The following ADAM32 variants were observed in gnomAD, a reference collection of about 807,000 sequenced individuals.
ADAM32 encodes the protein ADAM metallopeptidase domain 32.
ADAM32 carries 89 observed loss-of-function variants against 114.9 expected under a neutral mutation model. That is an observed-to-expected ratio of 0.77 (90% CI 0.65 to 0.92). The LOEUF is 0.92. ADAM32 is among the 40% of genes least tolerant of loss of function. The pLI is 0.00. For synonymous variants in ADAM32, 285 were observed against 307.5 expected (o/e 0.93, Z 0.77); for missense variants, 870 against 932.8 (o/e 0.93, Z 0.88).
chr8:39,246,682 T>A (rs879659809), intron 17 of ADAM32, among the ~76,000 whole-genome samples: 1 of 152,226 alleles, frequency 6.6e-6, no homozygotes, highest in East Asian at 1.9e-4. Context: ...TTTGTTATAA[T>A]TGATGACCTA....
rs746212636 is a variant in ADAM32 at position 39,223,176 on chromosome 8, T to G, written c.1463T>G (p.Phe488Cys). ...GGACTTTCATGCAAAAATAATAAGT[T>G]TATTTGTTATGACGGAGACTGCCAT... ...INGLSCKNNK[F>C]ICYDGDCHDL... Residue 488 changes from phenylalanine (F) to cysteine (C), a missense_variant, in exon 14 of 25, where the codon TTT becomes TGT. Phe to Cys is a radical substitution (Grantham distance 205). Coordinates refer to ENST00000379907, the MANE Select transcript of ADAM32 (RefSeq NM_145004.7). 3 of 1,600,396 alleles carry G rather than the reference T, an allele frequency of 1.9e-6. No homozygotes were observed. The Admixed American group carries it at 5.2e-5, about 28-fold the overall frequency.
At chr8:39,163,827 A>G (rs1009735710) in intron 7 of ADAM32, among the ~76,000 whole-genome samples, 1 of 152,168 alleles carries the variant, frequency 6.6e-6, no homozygotes, top group Non-Finnish European at 1.5e-5. Context: ...TTTTGAATAT[A>G]TTTATTTTAG....
chr8:39,135,048 G>A (rs1802706780), intron 2 of ADAM32, among the ~76,000 whole-genome samples: 1 of 152,112 alleles, frequency 6.6e-6, no homozygotes, highest in South Asian at 2.1e-4. Context: ...CCAGCTCCTC[G>A]GGAGGCTGAG....
intron 10 of ADAM32, among the ~76,000 whole-genome samples, chr8:39,182,337 T>A (rs1805955152): frequency 6.6e-6 from 1 of 152,200 alleles, no homozygotes; most frequent in Non-Finnish European, 1.5e-5. Flanking sequence ...GGAACAAAGA[T>A]TCATGACTAT....
intron 10 of ADAM32, among the ~76,000 whole-genome samples, chr8:39,185,305 A>T (rs1365130781): frequency 6.6e-6 from 1 of 150,756 alleles, no homozygotes; most frequent in East Asian, 2.0e-4. Context: ...CAGAGAACCA[A>T]GATCCATTGC....
chr8:39,233,596 AGAATGCCGTAACCTCCTGG>A (rs1809893135), intron 15 of ADAM32, among the ~76,000 whole-genome samples: 1 of 152,136 alleles, frequency 6.6e-6, no homozygotes, highest in African/African-American at 2.4e-5. Flanking sequence ...CCTGTGACTA[AGAATGCCGTAACCTCCTGG>A]GAATGCAGCC....
chr8:39,152,736 A>G (rs144725115), intron 6 of ADAM32, among the ~76,000 whole-genome samples: 3 of 7,374 alleles, frequency 4.1e-4, no homozygotes, highest in African/African-American at 5.2e-4. Flanking sequence ...AAAAAAAAAA[A>G]AAAAAAAAAA....
intron 19 of ADAM32, among the ~76,000 whole-genome samples, chr8:39,261,902 GC>G (rs1812054409): frequency 6.6e-6 from 1 of 151,928 alleles, no homozygotes; most frequent in Non-Finnish European, 1.5e-5. Flanking sequence ...CTAATTGTTT[GC>G]TTTTTTCCTG....
chr8:39,226,668 C>A (rs1334830680), intron 14 of ADAM32, among the ~76,000 whole-genome samples: 3 of 151,680 alleles, frequency 2.0e-5, no homozygotes, highest in Non-Finnish European at 4.4e-5. Context: ...CTTTATCTGG[C>A]AAAGCTCTTC....
At chr8:39,230,311 G>A (rs750873905) in intron 14 of ADAM32, among the ~76,000 whole-genome samples, 4 of 152,246 alleles carry the variant, frequency 2.6e-5, no homozygotes, top group Non-Finnish European at 5.9e-5. Context: ...ACCAAGACAA[G>A]TCTGAGAGAA....
At chr8:39,227,621 A>G (rs1348241579) in intron 14 of ADAM32, among the ~76,000 whole-genome samples, 1 of 152,088 alleles carries the variant, frequency 6.6e-6, no homozygotes, top group Non-Finnish European at 1.5e-5. Context: ...TCCTAGGTAC[A>G]CAACTCCAGT....
intron 23 of ADAM32, 148 bp downstream of exon 23, chr8:39,281,322 A>C: frequency 3.1e-6 from 1 of 322,056 alleles, no homozygotes; most frequent in Non-Finnish European, 5.6e-6. Context: ...AATATTTCCC[A>C]TTCTACAAGC....
chr8:39,242,357 C>A lies in ADAM32; in HGVS notation c.1819-3726C>A, dbSNP rs150694725. On this transcript the variant is annotated intron_variant, in intron 16 of 24. Transcript: ENST00000379907. ...TTTGGGTTTCTTTTCAGCAGCACCC[C>A]ACTCTACTGGTACCAATTTACTGTA... is the stretch of plus-strand genomic sequence containing the variant. 3.7e-3 allele frequency among the ~76,000 whole-genome samples: 565 copies of A among 152,332 alleles called. 2 individuals are homozygous for A. The highest frequency in any genetic ancestry group is 6.2e-3 in the Non-Finnish European group (423 of 68,038).
intron 22 of ADAM32, among the ~76,000 whole-genome samples, chr8:39,279,809 T>C (rs910593704): frequency 1.3e-5 from 2 of 152,210 alleles, no homozygotes; most frequent in African/African-American, 4.8e-5. Context: ...TTTTGCAATT[T>C]AGGTTGATAA....
chr8:39,160,117 A>C (rs1255371745), intron 6 of ADAM32, among the ~76,000 whole-genome samples: 1 of 152,210 alleles, frequency 6.6e-6, no homozygotes, highest in Non-Finnish European at 1.5e-5. Flanking sequence ...ACTTAGGCTC[A>C]AGATTGGCAA....
chr8:39,275,541 G>A (rs565827181), intron 21 of ADAM32, among the ~76,000 whole-genome samples: 4 of 152,278 alleles, frequency 2.6e-5, no homozygotes, highest in South Asian at 2.1e-4. Flanking sequence ...TTAAAATAAA[G>A]CATGTATTCT....
chr8:39,191,686 C>T (rs1156675592), intron 11 of ADAM32, among the ~76,000 whole-genome samples: 1 of 152,056 alleles, frequency 6.6e-6, no homozygotes, highest in Non-Finnish European at 1.5e-5. Context: ...ATATTTTCTC[C>T]TGTTCTGTAA....
At chr8:39,203,605 T>C (rs1187626714) in intron 11 of ADAM32, among the ~76,000 whole-genome samples, 2 of 152,254 alleles carry the variant, frequency 1.3e-5, no homozygotes, top group East Asian at 3.8e-4. Flanking sequence ...TCTGTGTCTT[T>C]TAATTGGAGC....
At chr8:39,266,637 T>A (rs981603905) in intron 19 of ADAM32, among the ~76,000 whole-genome samples, 2 of 152,214 alleles carry the variant, frequency 1.3e-5, no homozygotes, top group African/African-American at 2.4e-5. Context: ...AGAATTAGTA[T>A]TATATGTCTG....
Sources: gnomAD v4.1 joint callset for allele counts (sites outside exome capture counted in the v4.1 genomes callset) on GRCh38, gnomAD v4.1.1 for gene constraint, MANE v1.5 for transcripts, NCBI Gene and HGNC (gene_info 2026-07-23, HGNC 2026-07-21) for gene names.